The following SERINC5 variants were observed in gnomAD, a reference collection of about 807,000 sequenced individuals.
SERINC5 encodes the protein serine incorporator 5.
In SERINC5, 41 loss-of-function variants were observed where a neutral mutation model predicts 63.1. The observed-to-expected ratio is 0.65, with a 90% CI of 0.51 to 0.84. SERINC5 has a LOEUF of 0.84. SERINC5 is among the 40% of genes least tolerant of loss of function. The pLI is 0.00. For missense variants in SERINC5, 523 were observed against 573.0 expected, an observed-to-expected ratio of 0.91 and a Z score of 0.89; for synonymous variants, 222 against 215.2, an observed-to-expected ratio of 1.03 and a Z score of -0.28.
At chr5:80,116,477 T>C (rs1259796586) in intron 11 of SERINC5, among the ~76,000 whole-genome samples, 1 of 152,028 alleles carries the variant, frequency 6.6e-6, no homozygotes, top group African/African-American at 2.4e-5. Context: ...TTGCATGCTA[T>C]AATCTCCATA....
intron 11 of SERINC5, among the ~76,000 whole-genome samples, chr5:80,121,481 C>A (rs971755421): frequency 2.0e-5 from 3 of 152,116 alleles, no homozygotes; most frequent in Non-Finnish European, 4.4e-5. Context: ...GGCATCCACC[C>A]CCATGACCCA....
chr5:80,225,025 CTG>C (rs1751107380), intron 1 of SERINC5, among the ~76,000 whole-genome samples: 1 of 151,322 alleles, frequency 6.6e-6, no homozygotes, highest in Non-Finnish European at 1.5e-5. Flanking sequence ...ACTGCAACCT[CTG>C]CCTCCCAGGT....
At chr5:80,167,462 T>C (rs896197844) in intron 6 of SERINC5, among the ~76,000 whole-genome samples, 1 of 152,222 alleles carries the variant, frequency 6.6e-6, no homozygotes, top group South Asian at 2.1e-4. Flanking sequence ...ATAGTGTATA[T>C]GTACCACATT....
chr5:80,201,918 T>A (rs945058373), intron 2 of SERINC5, among the ~76,000 whole-genome samples: 1 of 152,204 alleles, frequency 6.6e-6, no homozygotes, highest in African/African-American at 2.4e-5. Context: ...GTAGGCCAAA[T>A]TAAGTGTTTC....
chr5:80,222,561 A>AGAGTGTGTGT (rs1326918451), intron 1 of SERINC5, among the ~76,000 whole-genome samples: 33 of 146,318 alleles, frequency 2.3e-4, no homozygotes, highest in African/African-American at 7.9e-4. Context: ...TGAGTGTGTG[A>AGAGTGTGTGT]GTGTGTGAGT....
At chr5:80,221,577 CT>C (rs1440154720) in intron 1 of SERINC5, among the ~76,000 whole-genome samples, 4 of 152,174 alleles carry the variant, frequency 2.6e-5, no homozygotes, top group African/African-American at 9.6e-5. Context: ...CCTTTGTTTA[CT>C]TTATCTTGTC....
intron 2 of SERINC5, among the ~76,000 whole-genome samples, chr5:80,191,714 T>C (rs190090062): frequency 6.7e-6 from 1 of 150,258 alleles, no homozygotes; most frequent in East Asian, 1.9e-4. Flanking sequence ...TTTTAACTTG[T>C]AAACAATTTG....
Position 80,177,316 on chromosome 5 carries a change from G to T in SERINC5, c.456C>A (p.Asn152Lys). ...FFIPDQDTFL[N>K]AWRYVGAVGG... ...ATACCCAAAATACCCCATTAGTACC[G>T]TTCAGAAAGGTGTCCTGATCTGGAA... Residue 152 changes from asparagine (N) to lysine (K), a missense_variant and splice_region_variant, in exon 4 of 12, where the codon AAC (asparagine) becomes AAA (lysine). Physicochemically the swap from Asn to Lys is moderately conservative, Grantham distance 94. Coordinates refer to ENST00000507668, the MANE Select transcript of SERINC5 (RefSeq NM_001174072.3). 1.2e-6 allele frequency: 2 copies of T among 1,609,744 alleles called. No individual in the cohort carries two copies. The highest frequency in any genetic ancestry group is 1.1e-5 in the South Asian group (1 of 91,012).
At position 80,212,673 on chromosome 5, in the gene SERINC5, G is replaced by GGC. The variant is rs1049753429; in HGVS notation, c.28-9621_28-9620insGC. 1.1e-4 allele frequency among the ~76,000 whole-genome samples: 15 copies of GGC among 132,882 alleles called. 1 individual carries two copies. Among genetic ancestry groups the GGC allele is most frequent in the African/African-American group, 4.1e-4 (15 of 36,786 alleles). 87.2% of individuals were successfully genotyped at this position (132,882 alleles called of 152,430 possible). A position where few individuals can be genotyped will look rare whatever the true frequency, so the allele number is the denominator to read the frequency against. ...AAAGGGCAGTGGTGGGGTGGGGGGGGGGTGTTGGTAAACCCTCCCTCTTGG... is the reference window on the plus strand; with the variant it reads ...AAAGGGCAGTGGTGGGGTGGGGGGGGGCGGTGTTGGTAAACCCTCCCTCTTGG... On this transcript the variant is annotated intron_variant, in intron 1 of 11. Coordinates refer to ENST00000507668, the MANE Select transcript of SERINC5 (RefSeq NM_001174072.3).
Position 80,166,488 on chromosome 5 carries a change from G to C in SERINC5, c.764-10C>G. On this transcript the variant is annotated splice_polypyrimidine_tract_variant and intron_variant, in intron 6 of 11. Coordinates refer to ENST00000507668, the MANE Select transcript of SERINC5 (RefSeq NM_001174072.3). ...CCCGAGTGTGGCTGTCCTGAAAAGT[G>C]ACAAGAGACAGACAACAGGTTTTAA... is the stretch of plus-strand genomic sequence containing the variant. 1 of 1,555,538 alleles carries C rather than the reference G, an allele frequency of 6.4e-7. No individual in the cohort carries two copies. Among genetic ancestry groups the C allele is most frequent in the Non-Finnish European group, 8.7e-7 (1 of 1,143,278 alleles).
chr5:80,171,128 G>A (rs1382001649), intron 5 of SERINC5, among the ~76,000 whole-genome samples: 1 of 152,026 alleles, frequency 6.6e-6, no homozygotes, highest in Non-Finnish European at 1.5e-5. Flanking sequence ...CTCTGCCTCA[G>A]CCTCCTTAGT....
downstream of SERINC5, among the ~76,000 whole-genome samples, chr5:80,137,139 C>CAAAAAAAAAAAA (rs869035894): frequency 2.8e-3 from 191 of 67,542 alleles, no homozygotes; most frequent in East Asian, 0.011. Flanking sequence ...GACCCTGTCT[C>CAAAAAAAAAAAA]AAAAAAAAAA....
At chr5:80,212,569 C>T (rs778513562) in intron 1 of SERINC5, among the ~76,000 whole-genome samples, 1 of 149,996 alleles carries the variant, frequency 6.7e-6, no homozygotes, top group South Asian at 2.1e-4. Flanking sequence ...CAACAACCAA[C>T]ATTGTGTGGC....
intron 1 of SERINC5, among the ~76,000 whole-genome samples, chr5:80,228,270 G>GGGAGGGAGGGAGGGAGGGAAA (rs1164421061): frequency 9.3e-6 from 1 of 107,860 alleles, no homozygotes; most frequent in Non-Finnish European, 2.0e-5. Flanking sequence ...AAGGAAAGGA[G>GGGAGGGAGGGAGGGAGGGAAA]GGAGGGAGGG....
rs182690186 is a variant in SERINC5, at chr5:80,116,450, G to A, written c.1239-2825C>T. 1.8e-3 allele frequency: 743 copies of A among 411,006 alleles called. 8 individuals carry two copies. Among genetic ancestry groups the A allele is most frequent in the African/African-American group, 0.011 (507 of 48,256 alleles). The allele number at this position is 411,006 out of a possible 1,614,324, so 25.5% of individuals were successfully genotyped here. ...TCAGAAACTTCAGTCCATTTTCTCC[G>A]TTCCCTTCCCTGGGACTTGCATGCT... On this transcript the variant is annotated intron_variant, in intron 11 of 12. Transcript: ENST00000509193.
At chr5:80,227,649 A>G (rs932067607) in intron 1 of SERINC5, among the ~76,000 whole-genome samples, 1 of 151,550 alleles carries the variant, frequency 6.6e-6, no homozygotes, top group African/African-American at 2.4e-5. Context: ...TTATTTTTAA[A>G]TTGACTACCT....
intron 1 of SERINC5, among the ~76,000 whole-genome samples, chr5:80,229,726 G>A (rs2112561391): frequency 6.6e-6 from 1 of 152,304 alleles, no homozygotes; most frequent in African/African-American, 2.4e-5. Context: ...CCCATGTAAA[G>A]TGCTCAGCAC....
chr5:80,205,626 A>G (rs1750116739), intron 1 of SERINC5, among the ~76,000 whole-genome samples: 1 of 152,218 alleles, frequency 6.6e-6, no homozygotes, highest in Non-Finnish European at 1.5e-5. Context: ...CACTAACAGC[A>G]TACACATCTT....
intron 1 of SERINC5, among the ~76,000 whole-genome samples, chr5:80,217,733 T>C (rs981033769): frequency 6.6e-6 from 1 of 152,178 alleles, no homozygotes; most frequent in Non-Finnish European, 1.5e-5. Context: ...CTCAGGAAAC[T>C]CACATTTTAG....
Sources: gnomAD v4.1 joint callset for allele counts (sites outside exome capture counted in the v4.1 genomes callset) on GRCh38, gnomAD v4.1.1 for gene constraint, MANE v1.5 for transcripts, NCBI Gene and HGNC (gene_info 2026-07-23, HGNC 2026-07-21) for gene names.